DAB1: variants seen among roughly 807,000 people sequenced by gnomAD.
The protein encoded by DAB1 is DAB adaptor protein 1.
DAB1 carries 15 observed loss-of-function variants against 64.6 expected under a neutral mutation model. That is an observed-to-expected ratio of 0.23 (90% confidence interval 0.16 to 0.36). The LOEUF (loss-of-function observed/expected upper bound fraction) is 0.36. Ranked by LOEUF, DAB1 falls within the 10% of genes least tolerant of loss-of-function variation. The pLI, the probability that DAB1 is intolerant of heterozygous loss-of-function variation, is 1.00. For synonymous variants in DAB1, 235 were observed against 251.9 expected, an observed-to-expected ratio of 0.93 and a Z score of 0.64; for missense variants, 596 against 706.7, an observed-to-expected ratio of 0.84 and a Z score of 1.78.
At chr1:57,360,587 T>G (rs762053580) in intron 1 of DAB1, among the ~76,000 whole-genome samples, 1 of 152,164 alleles carries the variant, frequency 6.6e-6, no homozygotes, top group Non-Finnish European at 1.5e-5. Context: ...CTCTAGGGAA[T>G]TCTGTAAGTT....
chr1:57,978,395 C>T (rs1645976686), intron 5 of DAB1, among the ~76,000 whole-genome samples: 2 of 152,138 alleles, frequency 1.3e-5, no homozygotes, highest in Admixed American at 6.5e-5. Context: ...CCCTTCCTTA[C>T]ACCTTATATA....
rs375013791 is a variant in DAB1, at chr1:57,531,383, C to T, written n.625+118209G>A. Among the ~76,000 whole-genome samples the T allele has an allele frequency of 7.9e-5, 12 of 152,242 alleles. No homozygotes were observed. In the East Asian group the frequency reaches 1.2e-3, roughly 15 times the overall value. ...GCCCCACCCCTATCTTCCTTGCTGA[C>T]TCTCTTTTCTGACTCAGCCCACCTG... On this transcript the variant is annotated intron_variant and non_coding_transcript_variant, in intron 7 of 20. Coordinates refer to the DAB1 transcript ENST00000485760.
intron 4 of DAB1, among the ~76,000 whole-genome samples, chr1:57,090,906 C>T (rs990941666): frequency 1.3e-5 from 2 of 152,110 alleles, no homozygotes; most frequent in East Asian, 3.9e-4. Flanking sequence ...CTCATAGGAG[C>T]GCGAACCCTA....
intron 7 of DAB1, among the ~76,000 whole-genome samples, chr1:57,509,930 G>A (rs1050889339): frequency 4.6e-5 from 7 of 151,970 alleles, no homozygotes; most frequent in African/African-American, 1.4e-4. Flanking sequence ...GCAACTTTTC[G>A]GGCAAATTTC....
intron 5 of DAB1, among the ~76,000 whole-genome samples, chr1:58,001,930 A>G (rs1205140027): frequency 3.9e-5 from 6 of 152,204 alleles, no homozygotes. Context: ...ACATACAGAA[A>G]GGAAAAGGTG....
intron 3 of DAB1, among the ~76,000 whole-genome samples, chr1:58,354,816 C>T (rs1644094828): frequency 6.6e-6 from 1 of 152,108 alleles, no homozygotes; most frequent in African/African-American, 2.4e-5. Flanking sequence ...TTATCCACAC[C>T]TGTGACACAG....
At chr1:57,539,462 A>G (rs1644774892) in intron 7 of DAB1, among the ~76,000 whole-genome samples, 1 of 152,194 alleles carries the variant, frequency 6.6e-6, no homozygotes, top group Non-Finnish European at 1.5e-5. Flanking sequence ...TATGATTTCA[A>G]ATTACTTTGA....
chr1:57,985,148 TC>T (rs990304628), intron 5 of DAB1, among the ~76,000 whole-genome samples: 8 of 152,130 alleles, frequency 5.3e-5, no homozygotes, highest in Admixed American at 1.3e-4. Flanking sequence ...CCTCAAGTAA[TC>T]CACCCGCCTT....
chr1:57,326,045 C>T (rs149563574), intron 1 of DAB1, among the ~76,000 whole-genome samples: 174 of 152,316 alleles, frequency 1.1e-3, no homozygotes, highest in Middle Eastern at 6.8e-3. Flanking sequence ...GGGATTTCTC[C>T]GAGTTCTACA....
In DAB1 at chr1:57,118,209, G is replaced by T. The variant is rs558609554; in HGVS notation, c.306+18334C>A. Among the ~76,000 whole-genome samples, 3 of 152,302 alleles carry T rather than the reference G, an allele frequency of 2.0e-5. No homozygotes were observed. The South Asian group carries it at 6.2e-4, about 32-fold the overall frequency. ...GGAGACAAATATACAGCCATGGAAG[G>T]TGTCAACAATGATTATCATCATTCG... On this transcript the variant is annotated intron_variant, in intron 4 of 14. Coordinates refer to ENST00000371236, the MANE Select transcript of DAB1 (RefSeq NM_001365792.1).
At chr1:57,351,380 G>A (rs1258119466) in intron 1 of DAB1, among the ~76,000 whole-genome samples, 6 of 152,076 alleles carry the variant, frequency 3.9e-5, no homozygotes, top group Non-Finnish European at 8.8e-5. Flanking sequence ...GCATGTCTTC[G>A]ACCTTCACAG....
intron 6 of DAB1, among the ~76,000 whole-genome samples, chr1:57,739,895 TTAAAA>T (rs376484855): frequency 4.7e-4 from 71 of 152,018 alleles, no homozygotes; most frequent in African/African-American, 1.7e-3. Context: ...TATACAAGTA[TTAAAA>T]TAATATATCT....
At position 57,205,464 on chromosome 1, in the gene DAB1, C is replaced by T. The variant is rs548754227; in HGVS notation, c.68-60035G>A. 3.3e-5 allele frequency among the ~76,000 whole-genome samples: 5 copies of T among 152,236 alleles called. No individual in the cohort carries two copies. The South Asian group carries it at 1.0e-3, about 32-fold the overall frequency. ...GTCCCAAGAAGTAGACAGAAGACAG[C>T]AGAATCACAATTACCAAGGAGGAAA... is the stretch of plus-strand genomic sequence containing the variant. On this transcript the variant is annotated intron_variant, in intron 2 of 14. Coordinates refer to ENST00000371236, the MANE Select transcript of DAB1 (RefSeq NM_001365792.1).
chr1:58,081,847 A>C (rs1650018922), intron 5 of DAB1, among the ~76,000 whole-genome samples: 1 of 152,088 alleles, frequency 6.6e-6, no homozygotes, highest in Non-Finnish European at 1.5e-5. Flanking sequence ...TTCTTCTGAG[A>C]AATTTGATTG....
At chr1:58,250,049 G>C (rs1228048910) in intron 4 of DAB1, among the ~76,000 whole-genome samples, 1 of 152,132 alleles carries the variant, frequency 6.6e-6, no homozygotes, top group Non-Finnish European at 1.5e-5. Flanking sequence ...CACCCAGGAG[G>C]CTCCCTCGCG....
At chr1:58,270,517 G>A (rs111557095) in intron 4 of DAB1, among the ~76,000 whole-genome samples, 5,857 of 53,500 alleles carry the variant, frequency 0.11, 547 homozygotes, top group Admixed American at 0.17. Context: ...CTCTTTTGTG[G>A]TTCCATATGA....
At chr1:58,087,452 T>C (rs1419344506) in intron 5 of DAB1, among the ~76,000 whole-genome samples, 1 of 152,232 alleles carries the variant, frequency 6.6e-6, no homozygotes, top group Non-Finnish European at 1.5e-5. Context: ...CAGCCAAACG[T>C]GGCCCTTTTA....
At chr1:58,350,770 T>C (rs1046561612) in intron 3 of DAB1, among the ~76,000 whole-genome samples, 1 of 152,110 alleles carries the variant, frequency 6.6e-6, no homozygotes, top group Non-Finnish European at 1.5e-5. Flanking sequence ...TGGTTGTAGG[T>C]GTGTGGTGTT....
At chr1:58,478,527 A>C (rs1217452459) in intron 3 of DAB1, among the ~76,000 whole-genome samples, 2 of 152,184 alleles carry the variant, frequency 1.3e-5, no homozygotes, top group East Asian at 3.8e-4. Flanking sequence ...TTTACAATTA[A>C]GAAATGAGGG....
Sources: gnomAD v4.1 joint callset for allele counts (sites outside exome capture counted in the v4.1 genomes callset) on GRCh38, gnomAD v4.1.1 for gene constraint, MANE v1.5 for transcripts, NCBI Gene and HGNC (gene_info 2026-07-23, HGNC 2026-07-21) for gene names.